TPST1: variants seen among roughly 807,000 people sequenced by gnomAD.
TPST1 encodes protein-tyrosine sulfotransferase 1.
Under a neutral mutation model 34.8 loss-of-function variants are expected in TPST1, and 20 were observed. The ratio of observed to expected loss-of-function variants is 0.57; its 90% CI spans 0.40 to 0.84. The LOEUF (loss-of-function observed/expected upper bound fraction) is 0.84. Ranked by LOEUF, TPST1 falls within the 40% of genes least tolerant of loss-of-function variation. The pLI is 0.00. For missense variants in TPST1, 353 were observed against 455.5 expected (o/e 0.78, Z 2.05); for synonymous variants, 152 against 159.4 (o/e 0.95, Z 0.35).
chr7:66,241,329 ATATG>A, intron 2 of TPST1, 59 bp downstream of exon 2: 1 of 1,529,468 alleles, frequency 6.5e-7, no homozygotes, highest in Non-Finnish European at 8.8e-7. Context: ...TGATCTATAC[ATATG>A]TATGTATGTG....
At chr7:66,248,805 G>A (rs1790205577) in intron 2 of TPST1, among the ~76,000 whole-genome samples, 1 of 152,126 alleles carries the variant, frequency 6.6e-6, no homozygotes, top group Non-Finnish European at 1.5e-5. Context: ...GAGCCACCGT[G>A]CCTGGCTCAA....
upstream of TPST1, among the ~76,000 whole-genome samples, chr7:66,204,488 T>C (rs1217634587): frequency 6.6e-6 from 1 of 152,224 alleles, no homozygotes; most frequent in East Asian, 1.9e-4. Context: ...AGTGCTGTGA[T>C]TAGAGGCATG....
chr7:66,310,891 T>C (rs1584229466), intron 3 of TPST1, among the ~76,000 whole-genome samples: 1 of 151,994 alleles, frequency 6.6e-6, no homozygotes, highest in East Asian at 1.9e-4. Flanking sequence ...AGTGGCACGA[T>C]CATAGCTTAC....
At chr7:66,231,355 G>A (rs957147400) in intron 1 of TPST1, among the ~76,000 whole-genome samples, 7 of 152,254 alleles carry the variant, frequency 4.6e-5, no homozygotes, top group Non-Finnish European at 7.3e-5. Context: ...CATGCTGTGC[G>A]CTCGCACTCC....
intron 3 of TPST1, among the ~76,000 whole-genome samples, chr7:66,295,452 G>A (rs1791173635): frequency 6.6e-6 from 1 of 152,160 alleles, no homozygotes; most frequent in Non-Finnish European, 1.5e-5. Context: ...CTGAGATTGT[G>A]CCACTGCACT....
intron 3 of TPST1, among the ~76,000 whole-genome samples, chr7:66,325,577 C>T (rs3936065): frequency 0.2 from 31,055 of 151,696 alleles, 3,666 homozygotes; most frequent in East Asian, 0.3. Flanking sequence ...CCTCACCCTC[C>T]TAAGTAGCTG....
chr7:66,242,467 A>G (rs1790056154), intron 2 of TPST1, among the ~76,000 whole-genome samples: 2 of 152,160 alleles, frequency 1.3e-5, no homozygotes. Context: ...TCTCAAAGGA[A>G]CAGCTGCCTG....
At chr7:66,267,923 T>TCTTTCCTTCCTTTCCTTC (rs537701031) in intron 2 of TPST1, among the ~76,000 whole-genome samples, 1 of 151,942 alleles carries the variant, frequency 6.6e-6, no homozygotes, top group South Asian at 2.1e-4. Context: ...TTTCTTTCCT[T>TCTTTCCTTCCTTTCCTTC]CTTTCCTTCC....
upstream of TPST1, among the ~76,000 whole-genome samples, chr7:66,204,899 AGAG>A (rs1398050772): frequency 1.3e-5 from 2 of 152,264 alleles, no homozygotes; most frequent in African/African-American, 2.4e-5. Flanking sequence ...GCTCTGAAGC[AGAG>A]GAGAGGAATT....
At chr7:66,292,780 C>CCGTA in intron 3 of TPST1, among the ~76,000 whole-genome samples, 1 of 148,802 alleles carries the variant, frequency 6.7e-6, no homozygotes, top group Non-Finnish European at 1.5e-5. Context: ...TGAGATGAAC[C>CCGTA]CGGTACCTCA....
At chr7:66,308,698 C>T (rs1020401197) in intron 3 of TPST1, among the ~76,000 whole-genome samples, 1 of 152,158 alleles carries the variant, frequency 6.6e-6, no homozygotes, top group African/African-American at 2.4e-5. Context: ...GACAGCCTTT[C>T]CCATTGTTAT....
At chr7:66,234,485 A>G (rs1022515445) in intron 1 of TPST1, among the ~76,000 whole-genome samples, 5 of 151,212 alleles carry the variant, frequency 3.3e-5, no homozygotes, top group African/African-American at 9.7e-5. Context: ...TTTCAGTGCC[A>G]TCAAATGTCA....
In TPST1 at chr7:66,250,583, A is replaced by AT. The variant is rs1216262175; in HGVS notation, c.845+9314dup. Among the ~76,000 whole-genome samples the AT allele has an allele frequency of 2.0e-5, 3 of 151,986 alleles. No homozygotes were observed. In the East Asian group the frequency reaches 5.8e-4, roughly 29 times the overall value. ...GGAAATGGGAATGATAATATGTTAG[A>AT]TCCCCCTTATCTGCAGATGATATGT... On this transcript the variant is annotated intron_variant, in intron 2 of 5. Transcript: ENST00000304842.
intron 1 of TPST1, among the ~76,000 whole-genome samples, chr7:66,232,468 G>A (rs978105499): frequency 6.6e-6 from 1 of 151,952 alleles, no homozygotes; most frequent in Middle Eastern, 3.2e-3. Context: ...TGCCTCCCGG[G>A]TTCACGCCAT....
At chr7:66,249,201 T>TA (rs1327697344) in intron 2 of TPST1, among the ~76,000 whole-genome samples, 1 of 152,008 alleles carries the variant, frequency 6.6e-6, no homozygotes, top group Non-Finnish European at 1.5e-5. Context: ...CCTGTTTTTT[T>TA]TAAAAAAATT....
intron 2 of TPST1, among the ~76,000 whole-genome samples, chr7:66,284,587 T>C (rs1169520789): frequency 7.0e-6 from 1 of 142,150 alleles, no homozygotes; most frequent in Non-Finnish European, 1.5e-5. Context: ...GATGGAGTCT[T>C]ACCCTGTTGC....
intron 3 of TPST1, among the ~76,000 whole-genome samples, chr7:66,314,471 C>G (rs1161345274): frequency 6.6e-6 from 1 of 152,130 alleles, no homozygotes; most frequent in Non-Finnish European, 1.5e-5. Flanking sequence ...TGAGATTGCA[C>G]CACTGCACTC....
At chr7:66,242,150 C>T (rs1295293206) in intron 2 of TPST1, among the ~76,000 whole-genome samples, 1 of 152,076 alleles carries the variant, frequency 6.6e-6, no homozygotes, top group East Asian at 1.9e-4. Flanking sequence ...AAAATGGAAA[C>T]TACTATTAAA....
intron 2 of TPST1, among the ~76,000 whole-genome samples, chr7:66,270,635 A>G (rs1277590037): frequency 6.6e-6 from 1 of 152,180 alleles, no homozygotes; most frequent in Non-Finnish European, 1.5e-5. Context: ...TGAAGAACCC[A>G]AGCTATTTAG....
Sources: allele counts gnomAD v4.1 joint callset (sites outside exome capture counted in the v4.1 genomes callset), GRCh38; gene constraint gnomAD v4.1.1; transcripts MANE v1.5; gene names NCBI Gene and HGNC (gene_info 2026-07-23, HGNC 2026-07-21).